The following NBPF15 variants were observed in gnomAD, a reference collection of about 807,000 sequenced individuals.
NBPF15 encodes the protein NBPF family member NBPF15.
A neutral mutation model predicts 62.2 loss-of-function variants in NBPF15; 74 were observed. The observed-to-expected ratio is 1.19, with a 90% CI of 0.99 to 1.44. NBPF15 has a LOEUF of 1.44. Ranked by LOEUF, NBPF15 falls within the 40% of genes most tolerant of loss-of-function variation. The pLI, the probability that NBPF15 is intolerant of heterozygous loss-of-function variation, is 0.00. For synonymous variants in NBPF15, 244 were observed against 209.7 expected (o/e 1.16, Z -1.41); for missense variants, 790 against 550.0 (o/e 1.44, Z -4.36).
intron 14 of NBPF15, among the ~76,000 whole-genome samples, chr1:144,429,260 C>A (rs1323395241): frequency 6.7e-6 from 1 of 148,646 alleles, no homozygotes; most frequent in Admixed American, 6.6e-5. Flanking sequence ...ACATCTTTCA[C>A]TGAGAAGTAG....
chr1:144,437,798 T>G (rs2102116463), intron 9 of NBPF15, 147 bp downstream of exon 9: 1 of 733,486 alleles, frequency 1.4e-6, no homozygotes, highest in Non-Finnish European at 2.4e-6. Context: ...CTTCTCTGTT[T>G]GATAAATATT....
At chr1:144,443,330 C>T (rs1684968385) in intron 6 of NBPF15, among the ~76,000 whole-genome samples, 1 of 151,868 alleles carries the variant, frequency 6.6e-6, no homozygotes, top group East Asian at 1.9e-4. Flanking sequence ...AATACTTACA[C>T]CATTACTACT....
chr1:144,445,350 TATATAC>T (rs1365815210), intron 6 of NBPF15, among the ~76,000 whole-genome samples: 3 of 115,684 alleles, frequency 2.6e-5, no homozygotes, highest in African/African-American at 9.3e-5. Context: ...TATATATATA[TATATAC>T]ACACACACAC....
At chr1:144,436,464 G>C (rs1403290886) in intron 10 of NBPF15, among the ~76,000 whole-genome samples, 1 of 151,838 alleles carries the variant, frequency 6.6e-6, no homozygotes, top group Non-Finnish European at 1.5e-5. Context: ...TCAGACCCTT[G>C]CAAGAGACAA....
chr1:144,455,793 G>A (rs1553546796), intron 4 of NBPF15, among the ~76,000 whole-genome samples: 1 of 151,814 alleles, frequency 6.6e-6, no homozygotes, highest in Non-Finnish European at 1.5e-5. Context: ...TGCAGTGGTG[G>A]GTTCCATGGG....
At chr1:144,445,522 C>A in intron 6 of NBPF15, among the ~76,000 whole-genome samples, 1 of 148,114 alleles carries the variant, frequency 6.8e-6, no homozygotes. Flanking sequence ...TCTTGATTTT[C>A]ATAGCTGTAG....
At position 144,439,808 on chromosome 1, in the gene NBPF15, C is replaced by T. The variant is rs76285339; in HGVS notation, c.175+21G>A. 1,259 of 1,536,294 alleles carry T rather than the reference C, an allele frequency of 8.2e-4. 9 individuals are homozygous for T. The highest frequency in any genetic ancestry group is 2.3e-3 in the Middle Eastern group (10 of 4,304). ...AGGACATCATTCATCACTTTCATGACGGTGAGCCTATAGATCTTACTGTAT... is the reference window on the plus strand; with the variant it reads ...AGGACATCATTCATCACTTTCATGATGGTGAGCCTATAGATCTTACTGTAT... On this transcript the variant is annotated intron_variant, in intron 8 of 21. Transcript: ENST00000581897.
At chr1:144,426,582 T>C (rs1460107870) in intron 17 of NBPF15, 132 bp from the exon 18 acceptor site, 17 of 709,990 alleles carry the variant, frequency 2.4e-5, no homozygotes, top group Admixed American at 1.0e-4. Flanking sequence ...AGGTAATGAA[T>C]TATTGCCTTT....
chr1:144,437,152 G>A (rs1679116407), intron 9 of NBPF15, 43 bp from the exon 10 acceptor site: 1 of 1,466,624 alleles, frequency 6.8e-7, no homozygotes, highest in Non-Finnish European at 9.5e-7. Context: ...GGAAAGGGTT[G>A]AGTGATCCGC....
chr1:144,439,508 G>A (rs1164825016), intron 8 of NBPF15, among the ~76,000 whole-genome samples: 2 of 151,980 alleles, frequency 1.3e-5, no homozygotes, highest in East Asian at 1.9e-4. Context: ...TTGTCTGCAG[G>A]ATCTTATATG....
chr1:144,459,903 C>A (rs1553547952), intron 2 of NBPF15, among the ~76,000 whole-genome samples: 2 of 151,644 alleles, frequency 1.3e-5, no homozygotes, highest in Admixed American at 6.6e-5. Flanking sequence ...ATATGTAATA[C>A]TAAGTTTTAT....
In NBPF15 at chr1:144,423,879, G is replaced by C. The variant is rs1667575894; in HGVS notation, c.1760C>G (p.Pro587Arg). Residue 587 changes from proline to arginine, a missense_variant, in exon 21 of 22, where the codon CCA (proline) becomes CGA (arginine). Pro to Arg is a moderately radical substitution (Grantham distance 103). Coordinates refer to ENST00000581897, the MANE Select transcript of NBPF15 (RefSeq NM_001385408.1). ...AATTGCTGAAAGTTACCTGGGGCAT[G>C]GTGGGTTGTCATCTTCCCCTTCTTT... ...GRKEGEDDNP[P>R]CPRLYGVLME... is the part of the protein sequence containing the mutation. The C allele has an allele frequency of 1.3e-6, 1 of 774,322 alleles. No homozygotes were observed. The highest frequency in any genetic ancestry group is 1.7e-5 in the Admixed American group (1 of 58,996). The allele number at this position is 774,322 out of a possible 1,614,324, so 48.0% of individuals were successfully genotyped here. A position where few individuals can be genotyped will look rare whatever the true frequency, so the allele number is the denominator to read the frequency against.
intron 4 of NBPF15, among the ~76,000 whole-genome samples, chr1:144,453,754 G>T (rs1321285519): frequency 1.4e-5 from 2 of 144,246 alleles, no homozygotes; most frequent in Admixed American, 7.0e-5. Context: ...TGAGGGAATT[G>T]CACATTAAAA....
chr1:144,455,145 G>GAGGGAGGGAGGAAGGC (rs1693651767), intron 4 of NBPF15, among the ~76,000 whole-genome samples: 1 of 148,154 alleles, frequency 6.7e-6, no homozygotes, highest in South Asian at 2.2e-4. Context: ...GGAAGAAAAG[G>GAGGGAGGGAGGAAGGC]AGGGAGGGAG....
At chr1:144,455,173 G>A (rs1210090426) in intron 4 of NBPF15, among the ~76,000 whole-genome samples, 1 of 147,384 alleles carries the variant, frequency 6.8e-6, no homozygotes, top group Non-Finnish European at 1.5e-5. Flanking sequence ...GGGAGGGAGA[G>A]AGGAAGGGAG....
Position 144,427,044 on chromosome 1 carries a change from T to C in NBPF15, c.1265+3A>G, listed in dbSNP as rs1432287881. On this transcript the variant is annotated splice_donor_region_variant and intron_variant, in intron 17 of 21. Coordinates refer to ENST00000581897, the MANE Select transcript of NBPF15 (RefSeq NM_001385408.1). ...TTAAGCATCCATAATTGCTCAAAGT[T>C]ACCTGGGGCATGATGGGTCTTGGTC... The C allele has an allele frequency of 1.2e-5, 9 of 750,510 alleles. No individual in the cohort carries two copies. Among genetic ancestry groups the C allele is most frequent in the Admixed American group, 5.3e-5 (3 of 56,824 alleles). The allele number at this position is 750,510 out of a possible 1,614,324, so 46.5% of individuals were successfully genotyped here.
intron 3 of NBPF15, among the ~76,000 whole-genome samples, chr1:144,458,553 T>C (rs1553547630): frequency 1.3e-5 from 2 of 150,520 alleles, no homozygotes; most frequent in African/African-American, 4.9e-5. Flanking sequence ...ATTATTTTTA[T>C]TTTTTGTAGA....
In NBPF15 at chr1:144,422,863, A is replaced by G; in HGVS notation, c.*150T>C. The G allele has an allele frequency of 6.4e-7, 1 of 1,572,148 alleles. No homozygotes were observed. Among genetic ancestry groups the G allele is most frequent in the Non-Finnish European group, 8.6e-7 (1 of 1,159,986 alleles). ...GTCTTCAGATTGAGCACAGGTTGCCAATGGCATGGTTTGAGAATAGGAATA... is the reference window on the plus strand; with the variant it reads ...GTCTTCAGATTGAGCACAGGTTGCCGATGGCATGGTTTGAGAATAGGAATA... On this transcript the variant is annotated 3_prime_UTR_variant, in exon 22 of 22. Transcript: ENST00000581897.
At position 144,436,878 on chromosome 1, in the gene NBPF15, G is replaced by A. The variant is rs1224397380; in HGVS notation, c.493+17C>T. On this transcript the variant is annotated intron_variant, in intron 10 of 21. Coordinates refer to ENST00000581897, the MANE Select transcript of NBPF15 (RefSeq NM_001385408.1). ...AAGCCTGGGATTTTGGGTCATCAGG[G>A]CCTATGGCCACCTTACCTGGGCTGA... The A allele has an allele frequency of 7.4e-6, 12 of 1,611,550 alleles. No individual in the cohort carries two copies. In the Admixed American group the frequency reaches 8.3e-5, roughly 11 times the overall value.
Sources: gnomAD v4.1 joint callset for allele counts (sites outside exome capture counted in the v4.1 genomes callset) on GRCh38, gnomAD v4.1.1 for gene constraint, MANE v1.5 for transcripts, NCBI Gene and HGNC (gene_info 2026-07-23, HGNC 2026-07-21) for gene names.